PPFIBP1: variants seen among roughly 807,000 people sequenced by gnomAD.
PPFIBP1 encodes the protein liprin-beta-1.
Under a neutral mutation model 137.8 loss-of-function variants are expected in PPFIBP1, and 112 were observed. The observed-to-expected ratio is 0.81, with a 90% CI of 0.70 to 0.95. PPFIBP1 has a LOEUF of 0.95. Ranked by LOEUF, PPFIBP1 falls within the 40% of genes least tolerant of loss-of-function variation. The pLI, the probability that PPFIBP1 is intolerant of heterozygous loss-of-function variation, is 0.00. For synonymous variants in PPFIBP1, 378 were observed against 417.3 expected, an observed-to-expected ratio of 0.91 and a Z score of 1.15; for missense variants, 1,083 against 1,196.6, an observed-to-expected ratio of 0.91 and a Z score of 1.40.
In PPFIBP1 at chr12:27,664,361, G is replaced by A; in HGVS notation, c.907-1G>A. Reference sequence around the variant, plus strand: ...AAGATTACAATTTATTTTATTCCTAGGATCGGAAAATAGAAGATCTTCGAC... The same window carrying A: ...AAGATTACAATTTATTTTATTCCTAAGATCGGAAAATAGAAGATCTTCGAC... On this transcript the variant is annotated splice_acceptor_variant, in intron 11 of 29. Transcript: ENST00000228425. LOFTEE classifies it high-confidence loss of function. 1 of 1,596,234 alleles carries A rather than the reference G, an allele frequency of 6.3e-7. No individual in the cohort carries two copies. Among genetic ancestry groups the A allele is most frequent in the South Asian group, 1.1e-5 (1 of 90,278 alleles).
At chr12:27,687,327 G>A (rs1347778040) in intron 24 of PPFIBP1, 58 bp from the exon 25 acceptor site, 3 of 1,565,470 alleles carry the variant, frequency 1.9e-6, no homozygotes, top group Non-Finnish European at 2.6e-6. Context: ...GATTCCCTAA[G>A]AAAGTCCTCC....
chr12:27,667,277 G>A lies in PPFIBP1; in HGVS notation c.1103G>A (p.Gly368Glu), dbSNP rs1565975528. 3.7e-6 allele frequency: 6 copies of A among 1,613,184 alleles called. No homozygotes were observed. The highest frequency in any genetic ancestry group is 1.7e-4 in the Middle Eastern group (1 of 6,054). Residue 368 changes from glycine (G) to glutamate (E), a missense_variant, in exon 13 of 30, where the codon GGA becomes GAA. Gly to Glu is a moderately conservative substitution (Grantham distance 98). Coordinates refer to ENST00000228425, the MANE Select transcript of PPFIBP1 (RefSeq NM_003622.4). ...EKSPSPTPVM[G>E]SPSCDPFNTS... Reference sequence around the variant, plus strand: ...AGTCCATCACCCACTCCAGTAATGGGATCTCCCAGTTGTGACCCATTTAAC... The same window carrying A: ...AGTCCATCACCCACTCCAGTAATGGAATCTCCCAGTTGTGACCCATTTAAC...
In PPFIBP1 at chr12:27,567,171, C is replaced by A. The variant is rs1333781528; in HGVS notation, c.-123-10981C>A. Among the ~76,000 whole-genome samples the A allele has an allele frequency of 2.0e-5, 3 of 152,288 alleles. No individual in the cohort carries two copies. In the East Asian group the frequency reaches 5.8e-4, roughly 29 times the overall value. On this transcript the variant is annotated intron_variant, in intron 1 of 29. Transcript: ENST00000228425. ...TTAAATTGTACCTGCAAATACAATT[C>A]AGACCATGGGGTGCTCTACAGGCCC... is the stretch of plus-strand genomic sequence containing the variant.
intron 2 of PPFIBP1, among the ~76,000 whole-genome samples, chr12:27,627,331 T>C (rs1290439429): frequency 6.6e-6 from 1 of 152,304 alleles, no homozygotes; most frequent in South Asian, 2.1e-4. Context: ...GAGAAAGGTA[T>C]GAGTAATTTG....
chr12:27,635,141 G>T (rs1565909455), intron 4 of PPFIBP1, 26 bp downstream of exon 4: 5 of 1,611,468 alleles, frequency 3.1e-6, no homozygotes, highest in Non-Finnish European at 4.2e-6. Flanking sequence ...TCCAAATTCT[G>T]TTATAAATCC....
At chr12:27,541,498 G>A (rs1945663983) in intron 1 of PPFIBP1, among the ~76,000 whole-genome samples, 1 of 152,164 alleles carries the variant, frequency 6.6e-6, no homozygotes, top group Admixed American at 6.5e-5. Flanking sequence ...TGAGAAGGCA[G>A]GCGGAGCAGA....
At chr12:27,639,924 G>A (rs940365001) in intron 4 of PPFIBP1, among the ~76,000 whole-genome samples, 12 of 152,254 alleles carry the variant, frequency 7.9e-5, no homozygotes, top group Admixed American at 2.0e-4. Context: ...ACCACCCTCC[G>A]ATCCCTGCTG....
intron 2 of PPFIBP1, among the ~76,000 whole-genome samples, chr12:27,625,186 G>A (rs2056708141): frequency 6.6e-6 from 1 of 152,028 alleles, no homozygotes; most frequent in Non-Finnish European, 1.5e-5. Flanking sequence ...AGAGGTTGAG[G>A]CTGCAGTGAG....
chr12:27,621,854 A>G (rs182850166), intron 2 of PPFIBP1, among the ~76,000 whole-genome samples: 52 of 152,298 alleles, frequency 3.4e-4, no homozygotes, highest in African/African-American at 1.2e-3. Flanking sequence ...TGAGTTTTTG[A>G]CCATGTGACA....
At chr12:27,618,575 A>C (rs1202919485) in intron 2 of PPFIBP1, among the ~76,000 whole-genome samples, 2 of 152,228 alleles carry the variant, frequency 1.3e-5, no homozygotes, top group African/African-American at 4.8e-5. Flanking sequence ...AATTCATTGA[A>C]TCTACCTATA....
intron 1 of PPFIBP1, among the ~76,000 whole-genome samples, chr12:27,539,233 G>T (rs1236244009): frequency 6.6e-6 from 1 of 152,210 alleles, no homozygotes; most frequent in Admixed American, 6.5e-5. Context: ...ATCAGCATCA[G>T]TGATTCTTGC....
At position 27,644,137 on chromosome 12, in the gene PPFIBP1, C is replaced by T. The variant is rs531660701; in HGVS notation, c.271-1925C>T. 2.1e-4 allele frequency among the ~76,000 whole-genome samples: 32 copies of T among 151,896 alleles called. 1 individual carries two copies. The South Asian group carries it at 3.8e-3, about 18-fold the overall frequency. On this transcript the variant is annotated intron_variant, in intron 4 of 29. Transcript: ENST00000228425. ...TGTTGCCCAGCCTGGAGTGCAGTGG[C>T]GCAAACATGGCTGACTGTAGCCTCC...
intron 1 of PPFIBP1, among the ~76,000 whole-genome samples, chr12:27,528,436 C>T (rs144084243): frequency 9.2e-5 from 14 of 152,226 alleles, no homozygotes; most frequent in Non-Finnish European, 1.8e-4. Flanking sequence ...TTGCAGTGCA[C>T]GTCAGAACCT....
chr12:27,524,992 C>A (rs1943563257), intron 1 of PPFIBP1, among the ~76,000 whole-genome samples: 1 of 152,020 alleles, frequency 6.6e-6, no homozygotes, highest in Non-Finnish European at 1.5e-5. Context: ...CCGAGAAATC[C>A]CTTCAGCTGC....
In PPFIBP1 at chr12:27,666,185, G is replaced by C. The variant is rs141300716; in HGVS notation, c.992-981G>C. ...CATTTTTGTGTATTGTTTATTTCTA[G>C]CTTTTTTTCCTGTGCATACAAACGT... On this transcript the variant is annotated intron_variant, in intron 12 of 29. Transcript: ENST00000228425. Among the ~76,000 whole-genome samples the C allele has an allele frequency of 4.4e-3, 675 of 152,250 alleles. 3 individuals carry two copies. The highest frequency in any genetic ancestry group is 0.013 in the South Asian group (62 of 4,828).
Position 27,671,362 on chromosome 12 carries a change from T to G in PPFIBP1, c.1147-69T>G, listed in dbSNP as rs1457782440. 3 of 854,538 alleles carry G rather than the reference T, an allele frequency of 3.5e-6. No homozygotes were observed. In the East Asian group the frequency reaches 8.1e-5, roughly 23 times the overall value. The allele number at this position is 854,538 out of a possible 1,614,324, so 52.9% of individuals were successfully genotyped here. On this transcript the variant is annotated intron_variant, in intron 13 of 29. Transcript: ENST00000228425. ...ATAGACCGTTTAATTTTCTTATGTTTATTTAAATTACTCTGTGGCTTGTGT... is the reference window on the plus strand; with the variant it reads ...ATAGACCGTTTAATTTTCTTATGTTGATTTAAATTACTCTGTGGCTTGTGT...
chr12:27,679,390 C>A, intron 19 of PPFIBP1, 99 bp from the exon 20 acceptor site: 1 of 1,191,682 alleles, frequency 8.4e-7, no homozygotes. Context: ...TGATTATAGA[C>A]CAACAGAAGA....
At chr12:27,641,270 T>C (rs2058089019) in intron 4 of PPFIBP1, among the ~76,000 whole-genome samples, 1 of 152,212 alleles carries the variant, frequency 6.6e-6, no homozygotes, top group South Asian at 2.1e-4. Context: ...TAAGCATTAT[T>C]GTGGCAAATC....
intron 2 of PPFIBP1, among the ~76,000 whole-genome samples, chr12:27,597,993 C>T (rs776617059): frequency 2.6e-4 from 40 of 152,092 alleles, no homozygotes; most frequent in South Asian, 2.5e-3. Flanking sequence ...TTAGTAGAGA[C>T]GGGGTTTCAC....
Sources: allele counts gnomAD v4.1 joint callset (sites outside exome capture counted in the v4.1 genomes callset), GRCh38; gene constraint gnomAD v4.1.1; transcripts MANE v1.5; gene names NCBI Gene and HGNC (gene_info 2026-07-23, HGNC 2026-07-21).